The following ZBTB7B variants were observed in gnomAD, a reference collection of about 807,000 sequenced individuals.
ZBTB7B encodes zinc finger and BTB domain containing 7B.
Under a neutral mutation model 31.0 loss-of-function variants are expected in ZBTB7B, and 8 were observed. The observed-to-expected ratio is 0.26, with a 90% CI of 0.15 to 0.47. ZBTB7B has a LOEUF of 0.47. ZBTB7B is among the 20% of genes least tolerant of loss of function. ZBTB7B has a pLI of 0.99. For missense variants in ZBTB7B, 494 were observed against 742.4 expected (o/e 0.67, Z 3.89); for synonymous variants, 261 against 307.3 (o/e 0.85, Z 1.58).
At chr1:155,002,026 A>G (rs928096731), upstream of ZBTB7B, among the ~76,000 whole-genome samples, 3 of 150,944 alleles carry the variant, frequency 2.0e-5, no homozygotes, top group African/African-American at 7.3e-5. Flanking sequence ...TTCCCTCCTG[A>G]GGTCCTGACC....
At chr1:155,013,186 C>A (rs888618666) in intron 1 of ZBTB7B, among the ~76,000 whole-genome samples, 2 of 152,198 alleles carry the variant, frequency 1.3e-5, no homozygotes, top group Non-Finnish European at 2.9e-5. Flanking sequence ...TCACCACAAC[C>A]CTAGGAGTCA....
chr1:155,007,545 C>A (rs935530179), intron 1 of ZBTB7B, among the ~76,000 whole-genome samples: 3 of 152,208 alleles, frequency 2.0e-5, no homozygotes, highest in African/African-American at 7.2e-5. Context: ...CAGGGCTGTC[C>A]ATTGCCTCCT....
chr1:155,004,325 C>T lies in ZBTB7B; in HGVS notation c.-7+1382C>T, dbSNP rs993965597. Among the ~76,000 whole-genome samples, 1 of 152,144 alleles carries T rather than the reference C, an allele frequency of 6.6e-6. No individual in the cohort carries two copies. Among genetic ancestry groups the T allele is most frequent in the Non-Finnish European group, 1.5e-5 (1 of 68,022 alleles). ...TGAGTCAGCGCAGCTATTCCCCCTT[C>T]CCCCAACTTATTCCTGGAGGAGGGA... On this transcript the variant is annotated intron_variant, in intron 1 of 2. Transcript: ENST00000535420. The surrounding 1 kb of genome is among the most constrained non-coding windows in gnomAD (Gnocchi z 4.0).
At chr1:155,007,566 T>C (rs551993904) in intron 1 of ZBTB7B, among the ~76,000 whole-genome samples, 1 of 152,334 alleles carries the variant, frequency 6.6e-6, no homozygotes, top group South Asian at 2.1e-4. Context: ...AGGCTCTCTC[T>C]GTGTAGGCCC....
In ZBTB7B at chr1:155,018,488, AAG is replaced by A. The variant is rs779534622; in HGVS notation, c.*1804_*1805del. 3.0e-4 allele frequency: 453 copies of A among 1,521,924 alleles called. No individual in the cohort carries two copies. The highest frequency in any genetic ancestry group is 3.9e-4 in the Non-Finnish European group (441 of 1,116,784). 94.3% of individuals were successfully genotyped at this position (1,521,924 alleles called of 1,614,324 possible). A position where few individuals can be genotyped will look rare whatever the true frequency, so the allele number is the denominator to read the frequency against. On this transcript the variant is annotated 3_prime_UTR_variant, in exon 3 of 3. Coordinates refer to ENST00000535420, the MANE Select transcript of ZBTB7B (RefSeq NM_001256455.2). ...ACCCCAACTCCCCCACCTCGGGTGT[AAG>A]CGACAGGAAGAAATAATAATAATTT...
At chr1:155,013,930 AACTTTTGGTAGCCAGGGGAGGG>A in intron 1 of ZBTB7B, 2 of 649,792 alleles carry the variant, frequency 3.1e-6, no homozygotes, top group Non-Finnish European at 3.8e-6. Flanking sequence ...AGGGGAGATG[AACTTTTGGTAGCCAGGGGAGGG>A]GCAAGAGGAG....
rs2102264507 is a variant in ZBTB7B at position 155,002,946 on chromosome 1, G to C, written c.-7+3G>C. 6.5e-6 allele frequency: 1 copy of C among 153,000 alleles called. No homozygotes were observed. Among genetic ancestry groups the C allele is most frequent in the Non-Finnish European group, 1.5e-5 (1 of 68,118 alleles). The allele number at this position is 153,000 out of a possible 1,614,324, so 9.5% of individuals were successfully genotyped here. A position where few individuals can be genotyped will look rare whatever the true frequency, so the allele number is the denominator to read the frequency against. On this transcript the variant is annotated splice_donor_region_variant and intron_variant, in intron 1 of 2. Coordinates refer to ENST00000535420, the MANE Select transcript of ZBTB7B (RefSeq NM_001256455.2). ...CCAGCGGACCCGACGGCTGAGAGGT[G>C]AGTGTACCCCACTTTTGTCTCCTGG...
rs1258216151 is a variant in ZBTB7B, at chr1:155,013,924, G to C, written c.-6-731G>C. The C allele has an allele frequency of 5.6e-6, 3 of 531,628 alleles. No individual in the cohort carries two copies. In the East Asian group the frequency reaches 4.4e-4, roughly 78 times the overall value. 32.9% of individuals were successfully genotyped at this position (531,628 alleles called of 1,614,324 possible). A position where few individuals can be genotyped will look rare whatever the true frequency, so the allele number is the denominator to read the frequency against. On this transcript the variant is annotated intron_variant, in intron 1 of 2. Coordinates refer to ENST00000535420, the MANE Select transcript of ZBTB7B (RefSeq NM_001256455.2). ...TGGAGAAGTGGGGGATCTAGAAGGGGAGATGAACTTTTGGTAGCCAGGGGA... is the reference window on the plus strand; with the variant it reads ...TGGAGAAGTGGGGGATCTAGAAGGGCAGATGAACTTTTGGTAGCCAGGGGA...
In ZBTB7B at chr1:155,018,332, C is replaced by A; in HGVS notation, c.*1647C>A. On this transcript the variant is annotated 3_prime_UTR_variant, in exon 3 of 3. Coordinates refer to ENST00000535420, the MANE Select transcript of ZBTB7B (RefSeq NM_001256455.2). ...AGCATTTCAGGTGATGGGGGGAGCC[C>A]AGGGCTGGGGAGACCTGGGGCCCAG... is the stretch of plus-strand genomic sequence containing the variant. 1 of 588,668 alleles carries A rather than the reference C, an allele frequency of 1.7e-6. No homozygotes were observed. The highest frequency in any genetic ancestry group is 3.0e-6 in the Non-Finnish European group (1 of 332,960). The allele number at this position is 588,668 out of a possible 1,614,324, so 36.5% of individuals were successfully genotyped here.
At position 155,015,747 on chromosome 1, in the gene ZBTB7B, C is replaced by T; in HGVS notation, c.1087C>T (p.Arg363Cys). The change falls in exon 2 of 3, where the codon CGC becomes TGC. Residue 363 changes from arginine (R) to cysteine (C), a missense_variant. Physicochemically the swap from Arg to Cys is radical, Grantham distance 180. This residue lies in a region of ZBTB7B where 61 missense variants were observed against 170.0 expected (regional missense o/e 0.36). Transcript: ENST00000535420. ...KIIHGAGKLP[R>C]HMRTHTGEKP... ...CATCCATGGGGCAGGCAAACTGCCT[C>T]GCCACATGAGGACCCACACAGGCGA... The T allele has an allele frequency of 6.2e-7, 1 of 1,612,378 alleles. No homozygotes were observed. Among genetic ancestry groups the T allele is most frequent in the Non-Finnish European group, 8.5e-7 (1 of 1,179,984 alleles).
In ZBTB7B at chr1:155,009,179, A is replaced by T. The variant is rs1658771289; in HGVS notation, c.-6-5476A>T. 2.6e-5 allele frequency among the ~76,000 whole-genome samples: 4 copies of T among 152,174 alleles called. No individual in the cohort carries two copies. The South Asian group carries it at 8.3e-4, about 32-fold the overall frequency. The stretch of plus-strand genomic sequence containing the variant: ...TCAGTGTTTAAGGGGACCCGAGCAG[A>T]TCAGGAGAGGCAGAAGAGGGGCCTA... On this transcript the variant is annotated intron_variant, in intron 1 of 2. Transcript: ENST00000535420.
rs1553257657 is a variant in ZBTB7B, at chr1:155,017,347, T to TGGGGGCAGTA, written c.*664_*673dup. 3 of 151,160 alleles carry TGGGGGCAGTA rather than the reference T, an allele frequency of 2.0e-5. No individual in the cohort carries two copies. Among genetic ancestry groups the TGGGGGCAGTA allele is most frequent in the South Asian group, 4.1e-4 (2 of 4,828 alleles). The allele number at this position is 151,160 out of a possible 1,614,324, so 9.4% of individuals were successfully genotyped here. On this transcript the variant is annotated 3_prime_UTR_variant, in exon 3 of 3. Transcript: ENST00000535420. ...GTGGCCTGATTGGCTCGCCTGCCCC[T>TGGGGGCAGTA]GGGGGCAGTAGAGGGGCCCCGCCCA...
rs114186598 is a variant in ZBTB7B at position 155,012,982 on chromosome 1, A to C, written c.-6-1673A>C. On this transcript the variant is annotated intron_variant, in intron 1 of 2. Transcript: ENST00000535420. ...CTCAGGAAAGGAAGTGACTTGTCCA[A>C]AGTCATGTAGCTAGTAGTAGCTTGG... Among the ~76,000 whole-genome samples the C allele has an allele frequency of 2.7e-3, 404 of 152,138 alleles. 3 individuals are homozygous for C. The highest frequency in any genetic ancestry group is 9.6e-3 in the African/African-American group (397 of 41,486).
In ZBTB7B at chr1:155,016,860, A is replaced by C. The variant is rs1467255051; in HGVS notation, c.*175A>C. 1 of 567,504 alleles carries C rather than the reference A, an allele frequency of 1.8e-6. No homozygotes were observed. The highest frequency in any genetic ancestry group is 3.1e-6 in the Non-Finnish European group (1 of 319,048). 35.2% of individuals were successfully genotyped at this position (567,504 alleles called of 1,614,324 possible). On this transcript the variant is annotated 3_prime_UTR_variant, in exon 3 of 3. Coordinates refer to ENST00000535420, the MANE Select transcript of ZBTB7B (RefSeq NM_001256455.2). The surrounding 1 kb of genome is among the most constrained non-coding windows in gnomAD (Gnocchi z 4.3). ...TTCCAAGCTAAGAAGGTATTGGGGC[A>C]GAGGCTCCCCAAATTGGGGTGATCC...
intron 1 of ZBTB7B, chr1:155,013,949 A>T: frequency 1.2e-6 from 1 of 827,156 alleles, no homozygotes; most frequent in Non-Finnish European, 1.5e-6. Flanking sequence ...TAGCCAGGGG[A>T]GGGGCAAGAG....
Position 155,008,322 on chromosome 1 carries a change from G to C in ZBTB7B, c.-7+5379G>C, listed in dbSNP as rs961482498. 4.6e-5 allele frequency among the ~76,000 whole-genome samples: 7 copies of C among 152,312 alleles called. No homozygotes were observed. The South Asian group carries it at 1.0e-3, about 23-fold the overall frequency. On this transcript the variant is annotated intron_variant, in intron 1 of 2. Coordinates refer to ENST00000535420, the MANE Select transcript of ZBTB7B (RefSeq NM_001256455.2). ...TTGGGGTGAGGCTATGGGGAGGGCG[G>C]GGTGCCGCCTTGCCCAGCCCCTGAG... is the stretch of plus-strand genomic sequence containing the variant.
chr1:155,015,390 AGCAGTGGGG>A lies in ZBTB7B; in HGVS notation c.739_747del (p.Gly247_Gly249del). On this transcript the variant is annotated inframe_deletion, in exon 2 of 3. Coordinates refer to ENST00000535420, the MANE Select transcript of ZBTB7B (RefSeq NM_001256455.2). ...GGAGGAGGTGGCGGGCAGAGTGGGC[AGCAGTGGGG>A]GCAGTGGGCCGGGGGACAGCTACAG... is the stretch of plus-strand genomic sequence containing the variant. 6.4e-7 allele frequency: 1 copy of A among 1,571,820 alleles called. No homozygotes were observed. The highest frequency in any genetic ancestry group is 1.4e-5 in the African/African-American group (1 of 74,062).
rs1428780122 is a variant in ZBTB7B at position 155,017,953 on chromosome 1, G to C, written c.*1268G>C. 6.4e-6 allele frequency: 1 copy of C among 157,310 alleles called. No homozygotes were observed. Among genetic ancestry groups the C allele is most frequent in the Non-Finnish European group, 1.4e-5 (1 of 70,890 alleles). 9.7% of individuals were successfully genotyped at this position (157,310 alleles called of 1,614,324 possible). ...GTACATAGCCTCTTCTGTTGGTCTT[G>C]TTGAAATCTAGTTTCAGATTTTTAA... On this transcript the variant is annotated 3_prime_UTR_variant, in exon 3 of 3. Transcript: ENST00000535420.
chr1:155,011,044 G>C (rs1039639037), intron 1 of ZBTB7B: 11 of 1,509,312 alleles, frequency 7.3e-6, no homozygotes, highest in Non-Finnish European at 9.8e-6. Flanking sequence ...GGGGAGGGGG[G>C]GCTCTGCGTG....
Sources: allele counts gnomAD v4.1 joint callset (sites outside exome capture counted in the v4.1 genomes callset), GRCh38; gene constraint gnomAD v4.1.1; regional missense constraint gnomAD v4.1.1; non-coding constraint Gnocchi (gnomAD v3.1); transcripts MANE v1.5; gene names NCBI Gene and HGNC (gene_info 2026-07-23, HGNC 2026-07-21).